CCSER1: variants seen among roughly 807,000 people sequenced by gnomAD.
The protein encoded by CCSER1 is coiled-coil serine rich protein 1, also known as serine-rich coiled-coil domain-containing protein 1.
In CCSER1, 41 loss-of-function variants were observed where a neutral mutation model predicts 82.0. The observed-to-expected ratio is 0.50, with a 90% CI of 0.39 to 0.65. The LOEUF (loss-of-function observed/expected upper bound fraction) is 0.65, where lower values mean the gene tolerates loss of function less well. Among genes scored for constraint, CCSER1 ranks in the 30% least tolerant of loss-of-function variants. The pLI is 0.00. For synonymous variants in CCSER1, 414 were observed against 383.9 expected (o/e 1.08, Z -0.92); for missense variants, 1,119 against 1,064.2 (o/e 1.05, Z -0.72).
intron 10 of CCSER1, among the ~76,000 whole-genome samples, chr4:91,566,567 CT>C (rs539376173): frequency 2.2e-3 from 334 of 152,108 alleles, no homozygotes; most frequent in Admixed American, 3.3e-3. Context: ...AATTTGGGAG[CT>C]TTTTATTGAT....
chr4:90,738,342 C>A (rs542375348), intron 7 of CCSER1, among the ~76,000 whole-genome samples: 1 of 152,136 alleles, frequency 6.6e-6, no homozygotes, highest in East Asian at 1.9e-4. Flanking sequence ...ACACCCCAAG[C>A]TGAGTAATGC....
At chr4:91,106,212 C>T (rs989425842) in intron 10 of CCSER1, among the ~76,000 whole-genome samples, 5 of 152,180 alleles carry the variant, frequency 3.3e-5, no homozygotes, top group African/African-American at 1.2e-4. Context: ...TACACATATT[C>T]AATCATTTAA....
At chr4:90,195,971 T>C (rs1002655895) in intron 1 of CCSER1, among the ~76,000 whole-genome samples, 1 of 152,108 alleles carries the variant, frequency 6.6e-6, no homozygotes, top group African/African-American at 2.4e-5. Context: ...GCAGATTCCA[T>C]CAGTTGAATT....
In CCSER1 at chr4:91,244,527, G is replaced by A. The variant is rs537229345; in HGVS notation, c.2217+158533G>A. Among the ~76,000 whole-genome samples the A allele has an allele frequency of 3.3e-3, 509 of 152,310 alleles. 1 individual carries two copies. Among genetic ancestry groups the A allele is most frequent in the Non-Finnish European group, 4.3e-3 (290 of 68,022 alleles). The stretch of plus-strand genomic sequence containing the variant: ...GAGAAAGTCAGAGAAAAGAACAAAA[G>A]TCTCTGCCTGGTAATCCAGAGAATT... On this transcript the variant is annotated intron_variant, in intron 10 of 10. Transcript: ENST00000509176.
intron 8 of CCSER1, among the ~76,000 whole-genome samples, chr4:90,880,509 G>A (rs1379568779): frequency 6.6e-6 from 1 of 152,122 alleles, no homozygotes; most frequent in African/African-American, 2.4e-5. Flanking sequence ...TAAAGCACTT[G>A]GGGTCTTTGC....
chr4:91,069,131 G>A (rs115779544), intron 9 of CCSER1, among the ~76,000 whole-genome samples: 3,600 of 151,944 alleles, frequency 0.024, 98 homozygotes, highest in African/African-American at 0.065. Flanking sequence ...CTGAGATCGC[G>A]CCACTGCACA....
chr4:91,419,208 GATA>G (rs537828665), intron 10 of CCSER1, among the ~76,000 whole-genome samples: 118 of 152,016 alleles, frequency 7.8e-4, no homozygotes, highest in Non-Finnish European at 4.6e-4. Context: ...CTGCATTCAA[GATA>G]ATACTAGAAG....
chr4:91,129,438 A>G (rs1581609435), intron 10 of CCSER1, among the ~76,000 whole-genome samples: 1 of 146,946 alleles, frequency 6.8e-6, no homozygotes, highest in East Asian at 2.1e-4. Context: ...AGAAAGTAAC[A>G]AGGTAAGATC....
chr4:91,444,873 G>A (rs1410693530), intron 10 of CCSER1, among the ~76,000 whole-genome samples: 3 of 152,162 alleles, frequency 2.0e-5, no homozygotes, highest in Non-Finnish European at 4.4e-5. Context: ...ATTTATTGGT[G>A]AGGTCAATTA....
chr4:91,565,071 T>C (rs1762825974), intron 10 of CCSER1, among the ~76,000 whole-genome samples: 1 of 108,066 alleles, frequency 9.3e-6, no homozygotes, highest in Non-Finnish European at 1.9e-5. Flanking sequence ...TGTGTGTGTG[T>C]GTGTGTGTGA....
intron 1 of CCSER1, among the ~76,000 whole-genome samples, chr4:90,307,237 C>T (rs1167735597): frequency 6.6e-6 from 1 of 152,014 alleles, no homozygotes; most frequent in Non-Finnish European, 1.5e-5. Flanking sequence ...CCTCCTCCTC[C>T]TTTATCTTCT....
chr4:91,287,228 CT>C (rs1743343900), intron 10 of CCSER1, among the ~76,000 whole-genome samples: 1 of 151,774 alleles, frequency 6.6e-6, no homozygotes, highest in South Asian at 2.1e-4. Context: ...AATGTATTTA[CT>C]GAAAATAATA....
At chr4:90,178,205 A>G (rs1733063707) in intron 1 of CCSER1, among the ~76,000 whole-genome samples, 1 of 152,152 alleles carries the variant, frequency 6.6e-6, no homozygotes, top group Non-Finnish European at 1.5e-5. Flanking sequence ...TAATATAATC[A>G]AATGAATTTA....
chr4:91,133,141 C>T (rs539227628), intron 10 of CCSER1, among the ~76,000 whole-genome samples: 87 of 152,224 alleles, frequency 5.7e-4, no homozygotes, highest in African/African-American at 2.1e-3. Flanking sequence ...GTCTTTTATT[C>T]TCACCTTCTC....
intron 10 of CCSER1, among the ~76,000 whole-genome samples, chr4:91,228,169 C>T (rs1738353546): frequency 6.6e-6 from 1 of 152,084 alleles, no homozygotes; most frequent in Non-Finnish European, 1.5e-5. Context: ...AGAAGACCGA[C>T]AATTGTCATG....
intron 3 of CCSER1, among the ~76,000 whole-genome samples, chr4:90,343,943 T>C (rs886254944): frequency 6.6e-6 from 1 of 152,174 alleles, no homozygotes; most frequent in East Asian, 1.9e-4. Flanking sequence ...TTATTGACTA[T>C]AATAACTCTG....
At chr4:91,284,724 T>A (rs746265882) in intron 10 of CCSER1, among the ~76,000 whole-genome samples, 6 of 152,092 alleles carry the variant, frequency 3.9e-5, no homozygotes, top group Non-Finnish European at 7.4e-5. Context: ...CCCATGTGAC[T>A]CTAATTGTCA....
At chr4:90,754,380 C>G (rs1452696798) in intron 7 of CCSER1, among the ~76,000 whole-genome samples, 1 of 152,012 alleles carries the variant, frequency 6.6e-6, no homozygotes, top group Non-Finnish European at 1.5e-5. Context: ...TATATCTATG[C>G]AGAGAGGTGG....
chr4:90,238,333 T>G (rs1746183184), intron 1 of CCSER1, among the ~76,000 whole-genome samples: 1 of 152,112 alleles, frequency 6.6e-6, no homozygotes. Flanking sequence ...CATACCTTAT[T>G]AAGGGTCCTC....
Sources: gnomAD v4.1 joint callset for allele counts (sites outside exome capture counted in the v4.1 genomes callset) on GRCh38, gnomAD v4.1.1 for gene constraint, MANE v1.5 for transcripts, NCBI Gene and HGNC (gene_info 2026-07-23, HGNC 2026-07-21) for gene names.